The following HSD17B12 variants were observed in gnomAD, a reference collection of about 807,000 sequenced individuals.
HSD17B12 encodes the protein hydroxysteroid 17-beta dehydrogenase 12.
In HSD17B12, 32 loss-of-function variants were observed where a neutral mutation model predicts 39.3. The ratio of observed to expected loss-of-function variants is 0.81; its 90% confidence interval spans 0.61 to 1.09. HSD17B12 has a LOEUF of 1.09. Among genes scored for constraint, HSD17B12 ranks in the 50% least tolerant of loss-of-function variants. The probability of loss-of-function intolerance (pLI) is 0.00; values close to 1 mark genes in which losing one functional copy is unlikely to be tolerated. For missense variants in HSD17B12, 342 were observed against 382.9 expected (o/e 0.89, Z 0.89); for synonymous variants, 150 against 146.7 (o/e 1.02, Z -0.16).
chr11:43,630,361 T>C, the HSD17B12 span, among the ~76,000 whole-genome samples: 1 of 152,206 alleles, frequency 6.6e-6, no homozygotes, highest in Admixed American at 6.5e-5. Flanking sequence ...AGGATGATCA[T>C]TGACAAGATT....
chr11:43,719,176 A>G, intron 1 of HSD17B12: 4 of 737,116 alleles, frequency 5.4e-6, no homozygotes, highest in Admixed American at 3.4e-5. Context: ...TTCTAAATAT[A>G]TGTATATCTT....
intron 2 of HSD17B12, among the ~76,000 whole-genome samples, chr11:43,753,214 ATTCT>A (rs1245210953): frequency 2.0e-5 from 3 of 152,098 alleles, no homozygotes; most frequent in Non-Finnish European, 4.4e-5. Context: ...TCCTCAGGAA[ATTCT>A]TTATTTATTC....
the HSD17B12 span, among the ~76,000 whole-genome samples, chr11:43,629,569 C>T: frequency 2.6e-5 from 4 of 152,298 alleles, no homozygotes; most frequent in African/African-American, 7.2e-5. Context: ...TGGTCCCATT[C>T]GTGGAGTTTA....
At chr11:43,803,834 C>T (rs1950993468) in intron 4 of HSD17B12, among the ~76,000 whole-genome samples, 1 of 152,068 alleles carries the variant, frequency 6.6e-6, no homozygotes, top group Non-Finnish European at 1.5e-5. Flanking sequence ...CCAAGAAATA[C>T]AGATTTCAGA....
intron 1 of HSD17B12, among the ~76,000 whole-genome samples, chr11:43,694,827 A>G (rs2134791082): frequency 6.6e-6 from 1 of 152,322 alleles, no homozygotes; most frequent in South Asian, 2.1e-4. Context: ...AAAAATCTGT[A>G]AGAAAAGAGC....
the HSD17B12 span, among the ~76,000 whole-genome samples, chr11:43,598,957 A>G: frequency 6.6e-6 from 1 of 152,242 alleles, no homozygotes; most frequent in Non-Finnish European, 1.5e-5. Flanking sequence ...CCAGACATTT[A>G]AAAATCTGAG....
chr11:43,776,125 A>G (rs1950701165), intron 3 of HSD17B12, among the ~76,000 whole-genome samples: 1 of 152,164 alleles, frequency 6.6e-6, no homozygotes, highest in Non-Finnish European at 1.5e-5. Context: ...ATACACAGTA[A>G]TGGGATGGCT....
At chr11:43,784,459 G>A (rs1391647942) in intron 3 of HSD17B12, among the ~76,000 whole-genome samples, 1 of 151,408 alleles carries the variant, frequency 6.6e-6, no homozygotes, top group East Asian at 1.9e-4. Context: ...GGGCAGGTGG[G>A]GGTGGGGGGC....
intron 1 of HSD17B12, among the ~76,000 whole-genome samples, chr11:43,682,542 C>T (rs1319997408): frequency 2.7e-5 from 1 of 36,924 alleles, no homozygotes; most frequent in Non-Finnish European, 5.3e-5. Context: ...CGAGACTCAT[C>T]TCAAAAAAAA....
chr11:43,749,992 TG>T, intron 1 of HSD17B12, among the ~76,000 whole-genome samples: 1 of 152,192 alleles, frequency 6.6e-6, no homozygotes. Flanking sequence ...TCAATGTTTC[TG>T]CTACATAAAG....
intron 10 of HSD17B12, 97 bp downstream of exon 10, chr11:43,854,961 C>A: frequency 7.9e-7 from 1 of 1,266,490 alleles, no homozygotes; most frequent in Non-Finnish European, 1.1e-6. Context: ...AGCACATATA[C>A]ATTGTCCAGC....
intron 6 of HSD17B12, among the ~76,000 whole-genome samples, chr11:43,821,800 TTC>T (rs1951185754): frequency 1.3e-5 from 2 of 152,324 alleles, no homozygotes; most frequent in South Asian, 4.1e-4. Context: ...TGCCGTTTGT[TTC>T]TGATTTGAGA....
At chr11:43,654,326 T>G in the HSD17B12 span, among the ~76,000 whole-genome samples, 1 of 152,188 alleles carries the variant, frequency 6.6e-6, no homozygotes, top group Non-Finnish European at 1.5e-5. Flanking sequence ...TTGCAAAAAT[T>G]TTCTCCCATT....
chr11:43,653,388 CA>C, the HSD17B12 span, among the ~76,000 whole-genome samples: 1 of 151,850 alleles, frequency 6.6e-6, no homozygotes, highest in Non-Finnish European at 1.5e-5. Context: ...TTGGTTGACG[CA>C]AAAATTTCTT....
At chr11:43,594,065 G>T in the HSD17B12 span, among the ~76,000 whole-genome samples, 303 of 152,076 alleles carry the variant, frequency 2.0e-3, 1 homozygote, top group Non-Finnish European at 2.1e-3. Context: ...TTTTTTTCCA[G>T]ACTAGGAACA....
At chr11:43,733,684 A>G in intron 1 of HSD17B12, 1 of 485,138 alleles carries the variant, frequency 2.1e-6, no homozygotes, top group South Asian at 1.8e-5. Context: ...GTAACTTTTA[A>G]AAAAAGGGGT....
At chr11:43,645,008 C>G in the HSD17B12 span, 1 of 152,176 alleles carries the variant, frequency 6.6e-6, no homozygotes, top group African/African-American at 2.4e-5. Flanking sequence ...GAGCCAGCTC[C>G]CCCAGGCTTC....
At chr11:43,733,392 G>A (rs1950287263) in intron 1 of HSD17B12, among the ~76,000 whole-genome samples, 1 of 152,116 alleles carries the variant, frequency 6.6e-6, no homozygotes, top group South Asian at 2.1e-4. Flanking sequence ...ACTACTGATT[G>A]TACCTTATAG....
chr11:43,855,062 T>G, intron 10 of HSD17B12, 82 bp from the exon 11 acceptor site: 1 of 1,141,642 alleles, frequency 8.8e-7, no homozygotes, highest in South Asian at 1.5e-5. Flanking sequence ...AACAACACTA[T>G]AATAAAACAT....
Sources: allele counts gnomAD v4.1 joint callset (sites outside exome capture counted in the v4.1 genomes callset), GRCh38; gene constraint gnomAD v4.1.1; transcripts MANE v1.5; gene names NCBI Gene and HGNC (gene_info 2026-07-23, HGNC 2026-07-21).